The following CCDC150 variants were observed in gnomAD, a reference collection of about 807,000 sequenced individuals.
The protein encoded by CCDC150 is coiled-coil domain containing 150, also known as coiled-coil domain-containing protein 150.
A neutral mutation model predicts 156.5 loss-of-function variants in CCDC150; 151 were observed. That is an observed-to-expected ratio of 0.97 (90% CI 0.85 to 1.10). The LOEUF (loss-of-function observed/expected upper bound fraction) is 1.10, where lower values mean the gene tolerates loss of function less well. Among genes scored for constraint, CCDC150 ranks in the 50% least tolerant of loss-of-function variants. The probability of loss-of-function intolerance (pLI) is 0.00; values close to 1 mark genes in which losing one functional copy is unlikely to be tolerated. For missense variants in CCDC150, 1,312 were observed against 1,268.1 expected, an observed-to-expected ratio of 1.03 and a Z score of -0.53; for synonymous variants, 452 against 429.4, an observed-to-expected ratio of 1.05 and a Z score of -0.65.
intron 15 of CCDC150, among the ~76,000 whole-genome samples, chr2:196,704,834 AATG>A (rs1208430809): frequency 1.5e-4 from 23 of 152,246 alleles, no homozygotes; most frequent in Non-Finnish European, 1.5e-4. Context: ...GTTTGCTGAT[AATG>A]ATGGTTTCCA....
At chr2:196,683,282 GT>G (rs926999208) in intron 13 of CCDC150, among the ~76,000 whole-genome samples, 2 of 151,928 alleles carry the variant, frequency 1.3e-5, no homozygotes, top group Non-Finnish European at 2.9e-5. Flanking sequence ...GATCTTGTGG[GT>G]TTTGTTCTTT....
In CCDC150 at chr2:196,719,675, G is replaced by A. The variant is rs1013579227; in HGVS notation, c.2165+9G>A. Reference sequence around the variant, plus strand: ...GGCCTCAAGAAAGAAAGGTACCTGTGGTTTTTTTTCCCTGTCATTGGTATT... The same window carrying A: ...GGCCTCAAGAAAGAAAGGTACCTGTAGTTTTTTTTCCCTGTCATTGGTATT... On this transcript the variant is annotated intron_variant, in intron 19 of 27. Transcript: ENST00000389175. 1 of 1,595,530 alleles carries A rather than the reference G, an allele frequency of 6.3e-7. No homozygotes were observed. The highest frequency in any genetic ancestry group is 1.7e-5 in the Admixed American group (1 of 57,162).
intron 9 of CCDC150, 136 bp downstream of exon 9, chr2:196,672,573 A>G: frequency 2.0e-6 from 1 of 489,230 alleles, no homozygotes; most frequent in Non-Finnish European, 3.6e-6. Context: ...CATAAGATTT[A>G]TTTCATCTTT....
chr2:196,643,863 A>G (rs1255380345), intron 1 of CCDC150, among the ~76,000 whole-genome samples: 1 of 152,234 alleles, frequency 6.6e-6, no homozygotes, highest in East Asian at 1.9e-4. Context: ...ATGTAGAAGA[A>G]AGTGACTAAA....
intron 15 of CCDC150, among the ~76,000 whole-genome samples, chr2:196,701,656 A>T (rs1209777651): frequency 6.6e-6 from 1 of 152,216 alleles, no homozygotes; most frequent in Non-Finnish European, 1.5e-5. Flanking sequence ...CAATGGAAAC[A>T]CTGCAATCCA....
chr2:196,651,840 A>T (rs1209071816), intron 2 of CCDC150, among the ~76,000 whole-genome samples: 1 of 152,224 alleles, frequency 6.6e-6, no homozygotes, highest in Non-Finnish European at 1.5e-5. Flanking sequence ...CAGGCTGTAA[A>T]AACATGGTGC....
intron 13 of CCDC150, among the ~76,000 whole-genome samples, chr2:196,683,281 G>A (rs561792203): frequency 6.6e-6 from 1 of 151,948 alleles, no homozygotes; most frequent in South Asian, 2.1e-4. Flanking sequence ...TGATCTTGTG[G>A]GTTTTGTTCT....
rs565128146 is a variant in CCDC150, at chr2:196,641,685, C to G, written c.12+1907C>G. Among the ~76,000 whole-genome samples the G allele has an allele frequency of 2.2e-4, 33 of 152,236 alleles. No individual in the cohort carries two copies. In the South Asian group the frequency reaches 6.8e-3, roughly 32 times the overall value. On this transcript the variant is annotated intron_variant, in intron 1 of 27. Transcript: ENST00000389175. ...ACTGTTCTACCCAACCCCTGCCCCC[C>G]GCCTCATTGCCTATAACAGTGTGTG...
intron 1 of CCDC150, among the ~76,000 whole-genome samples, chr2:196,645,953 T>C (rs749054383): frequency 6.6e-6 from 1 of 152,182 alleles, no homozygotes; most frequent in African/African-American, 2.4e-5. Flanking sequence ...TAGTGGCAAA[T>C]AGAATAGACT....
intron 13 of CCDC150, among the ~76,000 whole-genome samples, chr2:196,678,557 T>A (rs566968280): frequency 1.1e-4 from 17 of 152,232 alleles, no homozygotes; most frequent in South Asian, 2.1e-4. Context: ...TTTCTAAAAT[T>A]GGGAAAATTG....
At chr2:196,642,688 G>A (rs1255292131) in intron 1 of CCDC150, among the ~76,000 whole-genome samples, 1 of 152,154 alleles carries the variant, frequency 6.6e-6, no homozygotes, top group African/African-American at 2.4e-5. Flanking sequence ...GGCGGGAAGT[G>A]GAGGTGGTGG....
chr2:196,650,724 G>C (rs1289801437), intron 2 of CCDC150, among the ~76,000 whole-genome samples: 3 of 152,282 alleles, frequency 2.0e-5, no homozygotes, highest in African/African-American at 4.8e-5. Flanking sequence ...TTGCATCTGT[G>C]TTCAGGAATA....
intron 15 of CCDC150, 127 bp downstream of exon 15, chr2:196,701,307 T>C: frequency 2.9e-6 from 2 of 689,502 alleles, no homozygotes; most frequent in Non-Finnish European, 4.7e-6. Flanking sequence ...CTGAACATCC[T>C]TAAGTTTGTG....
chr2:196,664,723 G>T (rs182239623), intron 5 of CCDC150, among the ~76,000 whole-genome samples: 1 of 152,286 alleles, frequency 6.6e-6, no homozygotes, highest in Admixed American at 6.5e-5. Context: ...CTCTAGTCAT[G>T]CCTTGATCTT....
chr2:196,683,390 A>G (rs1055781598), intron 13 of CCDC150, among the ~76,000 whole-genome samples: 5 of 151,904 alleles, frequency 3.3e-5, no homozygotes, highest in East Asian at 3.9e-4. Context: ...TGTCCTTTTT[A>G]TATGTTGTTG....
At chr2:196,713,436 G>T (rs1697272563) in intron 17 of CCDC150, 1 of 1,550,816 alleles carries the variant, frequency 6.4e-7, no homozygotes, top group Non-Finnish European at 8.7e-7. Flanking sequence ...CATGTAAACA[G>T]TATAAAGGAA....
chr2:196,655,083 G>T (rs1304895277), intron 2 of CCDC150, among the ~76,000 whole-genome samples: 2 of 152,190 alleles, frequency 1.3e-5, no homozygotes, highest in Non-Finnish European at 2.9e-5. Context: ...CTATCCTCAG[G>T]GTGAAGCTGA....
At chr2:196,710,589 C>T (rs375528365) in intron 15 of CCDC150, among the ~76,000 whole-genome samples, 8 of 152,180 alleles carry the variant, frequency 5.3e-5, no homozygotes, top group African/African-American at 1.7e-4. Flanking sequence ...GTGTCGGGCA[C>T]GCTGGGAGCT....
At chr2:196,661,439 C>G (rs1256107962) in intron 5 of CCDC150, among the ~76,000 whole-genome samples, 1 of 152,118 alleles carries the variant, frequency 6.6e-6, no homozygotes, top group Non-Finnish European at 1.5e-5. Context: ...TCCCTGGTGT[C>G]TCTGTGTGTC....
Sources: gnomAD v4.1 joint callset for allele counts (sites outside exome capture counted in the v4.1 genomes callset) on GRCh38, gnomAD v4.1.1 for gene constraint, MANE v1.5 for transcripts, NCBI Gene and HGNC (gene_info 2026-07-23, HGNC 2026-07-21) for gene names.